CMC1: variants seen among roughly 807,000 people sequenced by gnomAD.
CMC1 encodes the protein C-X9-C motif containing 1.
CMC1 carries 14 observed loss-of-function variants against 14.1 expected under a neutral mutation model. That is an observed-to-expected ratio of 0.99 (90% confidence interval 0.66 to 1.55). The LOEUF is 1.55. CMC1 is among the 40% of genes most tolerant of loss of function. CMC1 has a pLI of 0.00. For missense variants in CMC1, 127 were observed against 123.8 expected (o/e 1.03, Z -0.12); for synonymous variants, 50 against 38.4 (o/e 1.30, Z -1.12).
intron 2 of CMC1, among the ~76,000 whole-genome samples, chr3:28,276,276 TG>T (rs1363902367): frequency 4.6e-5 from 7 of 152,224 alleles, no homozygotes; most frequent in Admixed American, 4.6e-4. Flanking sequence ...AAAATTTAAA[TG>T]ACAAAATTAG....
intron 2 of CMC1, among the ~76,000 whole-genome samples, chr3:28,270,054 C>T (rs757593530): frequency 3.9e-5 from 6 of 152,164 alleles, no homozygotes; most frequent in Non-Finnish European, 7.3e-5. Flanking sequence ...TTAGTTCCTG[C>T]TGAGGATAAT....
intron 2 of CMC1, among the ~76,000 whole-genome samples, chr3:28,308,915 G>A (rs769265901): frequency 1.3e-5 from 2 of 151,932 alleles, no homozygotes; most frequent in East Asian, 1.9e-4. Context: ...CCTGGGAGGC[G>A]GAGGTTGCAG....
intron 2 of CMC1, among the ~76,000 whole-genome samples, chr3:28,269,337 G>A (rs193046405): frequency 6.6e-6 from 1 of 152,162 alleles, no homozygotes; most frequent in Admixed American, 6.5e-5. Flanking sequence ...CTGAAAACAG[G>A]ACAGTTTTGC....
chr3:28,281,525 C>T (rs1434888403), intron 2 of CMC1, among the ~76,000 whole-genome samples: 1 of 152,118 alleles, frequency 6.6e-6, no homozygotes, highest in African/African-American at 2.4e-5. Flanking sequence ...AGTTTAATAT[C>T]ATGTCTGTTA....
At chr3:28,251,150 A>C (rs1004276179) in intron 1 of CMC1, among the ~76,000 whole-genome samples, 6 of 152,200 alleles carry the variant, frequency 3.9e-5, no homozygotes, top group African/African-American at 1.4e-4. Flanking sequence ...CAGTTCTGCA[A>C]GCTATACAGG....
intron 1 of CMC1, among the ~76,000 whole-genome samples, chr3:28,247,659 G>A (rs1698896383): frequency 6.6e-5 from 10 of 152,204 alleles, no homozygotes; most frequent in Admixed American, 6.5e-4. Context: ...AATCTGTTAG[G>A]AATCTTAGTT....
intron 1 of CMC1, among the ~76,000 whole-genome samples, chr3:28,244,232 C>T (rs1698687626): frequency 6.6e-6 from 1 of 152,072 alleles, no homozygotes; most frequent in South Asian, 2.1e-4. Flanking sequence ...TTATTATCCT[C>T]GCTACAGTGG....
intron 1 of CMC1, among the ~76,000 whole-genome samples, chr3:28,248,812 C>T (rs765960471): frequency 8.6e-5 from 13 of 151,978 alleles, no homozygotes; most frequent in Non-Finnish European, 1.8e-4. Context: ...TTTTTTGAGA[C>T]AGAGTCTCGC....
At chr3:28,274,746 C>T (rs185598797) in intron 2 of CMC1, among the ~76,000 whole-genome samples, 3 of 151,586 alleles carry the variant, frequency 2.0e-5, no homozygotes, top group African/African-American at 7.3e-5. Context: ...TTTCAGGTAC[C>T]TTAATCAGTC....
chr3:28,280,081 C>T (rs1279346406), intron 2 of CMC1, among the ~76,000 whole-genome samples: 1 of 152,292 alleles, frequency 6.6e-6, no homozygotes, highest in Non-Finnish European at 1.5e-5. Context: ...ATGGAACAAA[C>T]TACTGTTCTG....
Position 28,319,576 on chromosome 3 carries a change from A to C in CMC1, c.268A>C (p.Lys90Gln). ...CCTGAAGGAAAGGGAAGAATTCAGA[A>C]AAACTGGAATTCCTACAAAGAAAAG... is the stretch of plus-strand genomic sequence containing the variant. ...EYLKEREEFR[K>Q]TGIPTKKRLQ... The change falls in exon 4 of 4, where the codon AAA becomes CAA. Residue 90 changes from lysine (K) to glutamine (Q), a missense_variant. Transcript: ENST00000466830. The C allele has an allele frequency of 3.1e-6, 5 of 1,609,458 alleles. No homozygotes were observed. Among genetic ancestry groups the C allele is most frequent in the Non-Finnish European group, 4.2e-6 (5 of 1,176,984 alleles).
chr3:28,282,140 A>G (rs925423304), intron 2 of CMC1, among the ~76,000 whole-genome samples: 2 of 152,184 alleles, frequency 1.3e-5, no homozygotes, highest in Non-Finnish European at 2.9e-5. Flanking sequence ...CTTCATACAA[A>G]TAAAACGGAA....
chr3:28,310,437 T>C (rs1490300957), intron 2 of CMC1, among the ~76,000 whole-genome samples: 3 of 152,248 alleles, frequency 2.0e-5, no homozygotes, highest in Admixed American at 2.0e-4. Flanking sequence ...TTAAATATTG[T>C]AATTTATTGA....
intron 2 of CMC1, among the ~76,000 whole-genome samples, chr3:28,287,327 A>C (rs1701237811): frequency 6.6e-6 from 1 of 152,174 alleles, no homozygotes; most frequent in East Asian, 1.9e-4. Context: ...CAGAATGGCT[A>C]CTGGCTCTCT....
intron 2 of CMC1, 90 bp from the exon 3 acceptor site, chr3:28,316,243 T>A (rs936624023): frequency 2.4e-5 from 15 of 633,268 alleles, no homozygotes; most frequent in Admixed American, 3.6e-5. Flanking sequence ...CAGGCTTTCT[T>A]TTTTTTTTTC....
At chr3:28,309,739 C>A (rs1702522755) in intron 2 of CMC1, among the ~76,000 whole-genome samples, 1 of 151,726 alleles carries the variant, frequency 6.6e-6, no homozygotes, top group South Asian at 2.1e-4. Context: ...ATTTCGATAG[C>A]CCTTAGAACA....
intron 1 of CMC1, among the ~76,000 whole-genome samples, chr3:28,247,449 C>T (rs1051784193): frequency 1.3e-5 from 2 of 152,078 alleles, no homozygotes; most frequent in Admixed American, 1.3e-4. Flanking sequence ...GTTTATTGTG[C>T]CTTGGAGGCA....
At position 28,252,567 on chromosome 3, in the gene CMC1, A is replaced by G. The variant is rs187654032; in HGVS notation, c.20-10724A>G. Reference sequence around the variant, plus strand: ...TCCCTTTGATTTTACTTTCTGATAAAAAATTGAGAACTGAATTTTCAAATT... The same window carrying G: ...TCCCTTTGATTTTACTTTCTGATAAGAAATTGAGAACTGAATTTTCAAATT... On this transcript the variant is annotated intron_variant, in intron 1 of 3. Transcript: ENST00000466830. Among the ~76,000 whole-genome samples, 18 of 152,332 alleles carry G rather than the reference A, an allele frequency of 1.2e-4. No individual in the cohort carries two copies. The East Asian group carries it at 3.5e-3, about 29-fold the overall frequency.
In CMC1 at chr3:28,263,401, T is replaced by G. The variant is rs201169790; in HGVS notation, c.109+21T>G. 4.9e-6 allele frequency: 7 copies of G among 1,442,128 alleles called. No individual in the cohort carries two copies. The Admixed American group carries it at 1.4e-4, about 29-fold the overall frequency. The allele number at this position is 1,442,128 out of a possible 1,614,324, so 89.3% of individuals were successfully genotyped here. A position where few individuals can be genotyped will look rare whatever the true frequency, so the allele number is the denominator to read the frequency against. Reference sequence around the variant, plus strand: ...TCAAGGTAACATTCAAATATTCATGTAAAGATCAAATTTATTTTTAATAAT... The same window carrying G: ...TCAAGGTAACATTCAAATATTCATGGAAAGATCAAATTTATTTTTAATAAT... On this transcript the variant is annotated intron_variant, in intron 2 of 3. Transcript: ENST00000466830.
Sources: gnomAD v4.1 joint callset for allele counts (sites outside exome capture counted in the v4.1 genomes callset) on GRCh38, gnomAD v4.1.1 for gene constraint, MANE v1.5 for transcripts, NCBI Gene and HGNC (gene_info 2026-07-23, HGNC 2026-07-21) for gene names.